EYS: variants seen among roughly 807,000 people sequenced by gnomAD.
EYS encodes the protein protein eyes shut homolog.
Under a neutral mutation model 282.1 loss-of-function variants are expected in EYS, and 250 were observed. The observed-to-expected ratio is 0.89, with a 90% CI of 0.80 to 0.98. The LOEUF (loss-of-function observed/expected upper bound fraction) is 0.98, where lower values mean the gene tolerates loss of function less well. Ranked by LOEUF, EYS falls within the 50% of genes least tolerant of loss-of-function variation. The pLI is 0.00. For missense variants in EYS, 4,016 were observed against 3,709.0 expected (o/e 1.08, Z -2.15); for synonymous variants, 1,355 against 1,282.9 (o/e 1.06, Z -1.20).
chr6:65,133,943 G>T (rs115351246), intron 12 of EYS, among the ~76,000 whole-genome samples: 1 of 151,550 alleles, frequency 6.6e-6, no homozygotes, highest in Admixed American at 6.6e-5. Flanking sequence ...CCACTAAAAT[G>T]GTTGGAAAAG....
At chr6:64,002,300 A>G (rs1018581470) in intron 33 of EYS, among the ~76,000 whole-genome samples, 1 of 152,106 alleles carries the variant, frequency 6.6e-6, no homozygotes, top group Non-Finnish European at 1.5e-5. Flanking sequence ...CCACTCAATA[A>G]AACCTTGCAC....
At position 65,356,155 on chromosome 6, in the gene EYS, T is replaced by C. The variant is rs552149159; in HGVS notation, c.1300-2538A>G. Among the ~76,000 whole-genome samples the C allele has an allele frequency of 2.6e-5, 4 of 152,150 alleles. No homozygotes were observed. In the East Asian group the frequency reaches 5.8e-4, roughly 22 times the overall value. ...ATACATATACATACACACAATGGAA[T>C]ACTATTTAGCAATAACAAAGAATAA... is the stretch of plus-strand genomic sequence containing the variant. On this transcript the variant is annotated intron_variant, in intron 8 of 42. Coordinates refer to ENST00000503581, the MANE Select transcript of EYS (RefSeq NM_001142800.2).
At chr6:63,723,878 A>G (rs1050936736) in intron 42 of EYS, among the ~76,000 whole-genome samples, 2 of 150,918 alleles carry the variant, frequency 1.3e-5, no homozygotes, top group Non-Finnish European at 1.5e-5. Context: ...CTGGAGTGCA[A>G]TGGTGCAATC....
chr6:64,785,786 A>C (rs532702385), intron 22 of EYS, among the ~76,000 whole-genome samples: 5 of 152,284 alleles, frequency 3.3e-5, no homozygotes, highest in African/African-American at 1.2e-4. Flanking sequence ...TAGTTGCTGG[A>C]GGTATAAATT....
intron 22 of EYS, among the ~76,000 whole-genome samples, chr6:64,768,649 T>C (rs1773427126): frequency 6.6e-6 from 1 of 152,160 alleles, no homozygotes; most frequent in South Asian, 2.1e-4. Flanking sequence ...TAAAGACATA[T>C]TTAACTGAAT....
intron 29 of EYS, among the ~76,000 whole-genome samples, chr6:64,327,653 G>T (rs1247710691): frequency 6.6e-6 from 1 of 152,134 alleles, no homozygotes; most frequent in Non-Finnish European, 1.5e-5. Flanking sequence ...GAGACCTACT[G>T]TAAGACTCTA....
At chr6:65,118,113 A>T (rs1775432013) in intron 12 of EYS, among the ~76,000 whole-genome samples, 1 of 152,214 alleles carries the variant, frequency 6.6e-6, no homozygotes, top group South Asian at 2.1e-4. Flanking sequence ...GTTAACTGAG[A>T]TTCAAATGAT....
chr6:65,004,351 G>A (rs1387420850), intron 13 of EYS, among the ~76,000 whole-genome samples: 1 of 147,442 alleles, frequency 6.8e-6, no homozygotes, highest in Non-Finnish European at 1.5e-5. Context: ...GTTCAAGCCA[G>A]GCTAAAGTCA....
At chr6:65,050,161 A>C (rs1773227130) in intron 13 of EYS, among the ~76,000 whole-genome samples, 1 of 151,544 alleles carries the variant, frequency 6.6e-6, no homozygotes, top group African/African-American at 2.4e-5. Flanking sequence ...AGAAGCAAAA[A>C]AATATTTTGT....
intron 5 of EYS, among the ~76,000 whole-genome samples, chr6:65,417,196 A>T (rs1767273166): frequency 1.3e-5 from 2 of 152,032 alleles, no homozygotes; most frequent in Non-Finnish European, 2.9e-5. Flanking sequence ...CTAAACATGT[A>T]CAAAAATTCA....
chr6:64,047,184 A>AAG (rs1770657123), intron 33 of EYS, among the ~76,000 whole-genome samples: 1 of 151,982 alleles, frequency 6.6e-6, no homozygotes, highest in African/African-American at 2.4e-5. Context: ...ATTAGGTTAA[A>AAG]AAAAAAACAA....
At chr6:64,862,352 T>C (rs1766275634) in intron 19 of EYS, among the ~76,000 whole-genome samples, 1 of 152,222 alleles carries the variant, frequency 6.6e-6, no homozygotes, top group Admixed American at 6.5e-5. Context: ...TCTGGTGGAC[T>C]TCAGTTGTTT....
intron 5 of EYS, among the ~76,000 whole-genome samples, chr6:65,421,341 C>G (rs1251257002): frequency 6.6e-6 from 1 of 151,818 alleles, no homozygotes; most frequent in East Asian, 1.9e-4. Context: ...TAGATTCAAA[C>G]TTTTCTTCTA....
chr6:65,151,948 AT>A (rs1460023488), intron 12 of EYS, among the ~76,000 whole-genome samples: 6 of 151,930 alleles, frequency 3.9e-5, no homozygotes, highest in South Asian at 4.2e-4. Context: ...TTTTGATTTA[AT>A]TTTTAACCTA....
chr6:65,508,209 T>A (rs188839470), intron 2 of EYS, among the ~76,000 whole-genome samples: 21 of 152,288 alleles, frequency 1.4e-4, no homozygotes, highest in Non-Finnish European at 1.2e-4. Flanking sequence ...CTACAGAGAA[T>A]GTCTATGATT....
intron 41 of EYS, among the ~76,000 whole-genome samples, chr6:63,760,473 C>A (rs1562013257): frequency 6.6e-6 from 1 of 151,886 alleles, no homozygotes; most frequent in Non-Finnish European, 1.5e-5. Context: ...GTATTCTAAC[C>A]AAATTGTTAT....
intron 29 of EYS, among the ~76,000 whole-genome samples, chr6:64,384,389 TATAATAGTAC>T (rs1305723761): frequency 1.3e-5 from 2 of 152,206 alleles, no homozygotes; most frequent in African/African-American, 2.4e-5. Context: ...TCCAGTCAAA[TATAATAGTAC>T]ATGCAATCAC....
chr6:65,601,104 C>T (rs1170251807), intron 2 of EYS, among the ~76,000 whole-genome samples: 1 of 151,878 alleles, frequency 6.6e-6, no homozygotes, highest in African/African-American at 2.4e-5. Flanking sequence ...TAGATTCATA[C>T]TCCAGTTTAA....
chr6:64,811,196 G>T (rs1231852922), intron 22 of EYS, among the ~76,000 whole-genome samples: 1 of 151,936 alleles, frequency 6.6e-6, no homozygotes, highest in Non-Finnish European at 1.5e-5. Context: ...AGTGTAGCGT[G>T]GAGTCCCAGT....
Sources: gnomAD v4.1 joint callset for allele counts (sites outside exome capture counted in the v4.1 genomes callset) on GRCh38, gnomAD v4.1.1 for gene constraint, MANE v1.5 for transcripts, NCBI Gene and HGNC (gene_info 2026-07-23, HGNC 2026-07-21) for gene names.